ST3GAL5: variants seen among roughly 807,000 people sequenced by gnomAD.
ST3GAL5 encodes lactosylceramide alpha-2,3-sialyltransferase.
Under a neutral mutation model 46.1 loss-of-function variants are expected in ST3GAL5, and 25 were observed. The ratio of observed to expected loss-of-function variants is 0.54; its 90% CI spans 0.40 to 0.76. The LOEUF (loss-of-function observed/expected upper bound fraction) is 0.76, where lower values mean the gene tolerates loss of function less well. Among genes scored for constraint, ST3GAL5 ranks in the 30% least tolerant of loss-of-function variants. The probability of loss-of-function intolerance (pLI) is 0.00; values close to 1 mark genes in which losing one functional copy is unlikely to be tolerated. For missense variants in ST3GAL5, 431 were observed against 521.2 expected, an observed-to-expected ratio of 0.83 and a Z score of 1.69; for synonymous variants, 182 against 192.7, an observed-to-expected ratio of 0.94 and a Z score of 0.46.
intron 3 of ST3GAL5, chr2:85,851,630 T>TC: frequency 7.8e-7 from 1 of 1,289,268 alleles, no homozygotes; most frequent in Non-Finnish European, 1.0e-6. Context: ...GCTGCTCTCT[T>TC]CCCCCTCCAC....
chr2:85,881,238 C>T (rs527288558), intron 1 of ST3GAL5, among the ~76,000 whole-genome samples: 1 of 152,292 alleles, frequency 6.6e-6, no homozygotes, highest in Non-Finnish European at 1.5e-5. Flanking sequence ...TCCAATTAAA[C>T]CTCTTTCTTG....
intron 1 of ST3GAL5, chr2:85,868,055 C>T (rs1685471781): frequency 4.6e-6 from 1 of 216,884 alleles, no homozygotes; most frequent in South Asian, 7.8e-5. Context: ...AGAGAAGGGC[C>T]AAGCTGGGAA....
chr2:85,874,787 T>C (rs1258976540), intron 1 of ST3GAL5, among the ~76,000 whole-genome samples: 1 of 151,054 alleles, frequency 6.6e-6, no homozygotes, highest in African/African-American at 2.4e-5. Context: ...GAATGAATGA[T>C]CAGTGGCCTG....
chr2:85,878,544 T>A (rs1360008457), intron 1 of ST3GAL5, among the ~76,000 whole-genome samples: 1 of 115,804 alleles, frequency 8.6e-6, no homozygotes, highest in East Asian at 2.9e-4. Flanking sequence ...AATGGTCGCC[T>A]GACAGTATTG....
rs550842990 is a variant in ST3GAL5 at position 85,871,039 on chromosome 2, T to A, written c.83-7554A>T. Among the ~76,000 whole-genome samples the A allele has an allele frequency of 7.9e-3, 754 of 95,458 alleles. 6 individuals are homozygous for A. The highest frequency in any genetic ancestry group is 0.021 in the African/African-American group (689 of 32,506). 62.6% of individuals were successfully genotyped at this position (95,458 alleles called of 152,430 possible). ...ATATCCATCACCTCAACCATTTATC[T>A]TTTTTTTTTTTTTTTTGAGACAAGG... On this transcript the variant is annotated intron_variant, in intron 1 of 6. Transcript: ENST00000638572.
chr2:85,847,225 C>T (rs560043517), intron 4 of ST3GAL5, among the ~76,000 whole-genome samples: 1 of 152,208 alleles, frequency 6.6e-6, no homozygotes, highest in South Asian at 2.1e-4. Context: ...ACTCACTGGC[C>T]CCAAGCCCCT....
rs57619373 is a variant in ST3GAL5, at chr2:85,844,722, A to G, written c.850-168T>C. The G allele has an allele frequency of 1.7e-4, 147 of 862,900 alleles. No individual in the cohort carries two copies. In the African/African-American group the frequency reaches 2.2e-3, roughly 13 times the overall value. The allele number at this position is 862,900 out of a possible 1,614,324, so 53.5% of individuals were successfully genotyped here. ...AAAAGCTACGCAAATCCGGCACTCC[A>G]ACTCAAAAAAGTAACTCTGAAATAG... On this transcript the variant is annotated intron_variant, in intron 5 of 6. Coordinates refer to ENST00000638572, the MANE Select transcript of ST3GAL5 (RefSeq NM_003896.4).
chr2:85,858,074 C>T (rs537591025), intron 3 of ST3GAL5: 1 of 152,202 alleles, frequency 6.6e-6, no homozygotes, highest in African/African-American at 2.4e-5. Context: ...GAGGTTCAGT[C>T]TGAAAGTCAC....
chr2:85,870,276 A>T (rs948357542), intron 1 of ST3GAL5: 4 of 468,400 alleles, frequency 8.5e-6, no homozygotes, highest in Non-Finnish European at 1.8e-5. Context: ...GGGAAGAGGC[A>T]TATAAAGGGC....
chr2:85,840,240 G>A lies in ST3GAL5; in HGVS notation c.1161C>T (p.Thr387=). ...TGGTTTCCGTTGTCACATTATGCATGGTCTGAAAGTTCATAGCAGCCATGC... is the reference window on the plus strand; with the variant it reads ...TGGTTTCCGTTGTCACATTATGCATAGTCTGAAAGTTCATAGCAGCCATGC... The part of the protein sequence containing the change: ...SQCMAAMNFQ[T]MHNVTTETKF... Residue 387 remains threonine (T), a synonymous_variant, in exon 7 of 7, where the codon ACC becomes ACT. Coordinates refer to ENST00000638572, the MANE Select transcript of ST3GAL5 (RefSeq NM_003896.4). 1 of 1,614,130 alleles carries A rather than the reference G, an allele frequency of 6.2e-7. No individual in the cohort carries two copies. The highest frequency in any genetic ancestry group is 8.5e-7 in the Non-Finnish European group (1 of 1,180,034).
intron 1 of ST3GAL5, among the ~76,000 whole-genome samples, chr2:85,878,392 A>G (rs1159105445): frequency 6.6e-6 from 1 of 152,230 alleles, no homozygotes; most frequent in African/African-American, 2.4e-5. Context: ...GGGTCATGCT[A>G]TCTACACCAG....
chr2:85,863,475 A>C lies in ST3GAL5; in HGVS notation c.93T>G (p.Ser31Arg). The change falls in exon 2 of 7, where the codon AGT becomes AGG. Residue 31 changes from serine (S) to arginine (R), a missense_variant. Coordinates refer to ENST00000638572, the MANE Select transcript of ST3GAL5 (RefSeq NM_003896.4). ...TTCTCAGTTTCACATAGGTGTACTCACTTGGCATTGCTGTGAAGAGAGGCG... is the reference window on the plus strand; with the variant it reads ...TTCTCAGTTTCACATAGGTGTACTCCCTTGGCATTGCTGTGAAGAGAGGCG... Reference protein sequence around the residue: ...AAAPAGRAMPSEYTYVKLRSD... With the variant: ...AAAPAGRAMPREYTYVKLRSD... 6.2e-7 allele frequency: 1 copy of C among 1,614,218 alleles called. No homozygotes were observed. Among genetic ancestry groups the C allele is most frequent in the Non-Finnish European group, 8.5e-7 (1 of 1,180,044 alleles).
chr2:85,861,385 C>A, intron 2 of ST3GAL5, 93 bp from the exon 3 acceptor site: 2 of 826,266 alleles, frequency 2.4e-6, no homozygotes, highest in South Asian at 1.4e-5. Flanking sequence ...ATGAGTCTGC[C>A]TGCTATGCAG....
intron 1 of ST3GAL5, among the ~76,000 whole-genome samples, chr2:85,872,402 G>A (rs1396095605): frequency 6.6e-6 from 1 of 152,118 alleles, no homozygotes; most frequent in Admixed American, 6.5e-5. Flanking sequence ...GGCCAACATG[G>A]TGAAACCCCA....
In ST3GAL5 at chr2:85,838,407, G is replaced by T. The variant is rs1176247469; in HGVS notation, c.*1737C>A. 1 of 152,182 alleles carries T rather than the reference G, an allele frequency of 6.6e-6. No individual in the cohort carries two copies. The highest frequency in any genetic ancestry group is 1.5e-5 in the Non-Finnish European group (1 of 68,032). The allele number at this position is 152,182 out of a possible 1,614,324, so 9.4% of individuals were successfully genotyped here. ...TAACCCCCTGAGGGATGTAGGGGTG[G>T]AGCTGTGTGGTGTAAGCCCAGCACC... is the stretch of plus-strand genomic sequence containing the variant. On this transcript the variant is annotated 3_prime_UTR_variant, in exon 7 of 7. Coordinates refer to ENST00000638572, the MANE Select transcript of ST3GAL5 (RefSeq NM_003896.4).
Position 85,840,942 on chromosome 2 carries a change from CAAAAAAA to C in ST3GAL5, c.1009-557_1009-551del, listed in dbSNP as rs1272089535. Among the ~76,000 whole-genome samples the C allele has an allele frequency of 2.1e-4, 5 of 24,186 alleles. No homozygotes were observed. In the East Asian group the frequency reaches 8.9e-3, roughly 43 times the overall value. The allele number at this position is 24,186 out of a possible 152,430, so 15.9% of individuals were successfully genotyped here. A position where few individuals can be genotyped will look rare whatever the true frequency, so the allele number is the denominator to read the frequency against. ...CTGGCGACAGAGCAAGACTCTGTCT[CAAAAAAA>C]AAAAAAAAAAAAAAAAAGGCATTCC... On this transcript the variant is annotated intron_variant, in intron 6 of 6. Transcript: ENST00000638572.
chr2:85,876,539 G>A (rs545106071), intron 1 of ST3GAL5, among the ~76,000 whole-genome samples: 2 of 143,074 alleles, frequency 1.4e-5, no homozygotes, highest in East Asian at 2.2e-4. Context: ...TCTCGGCGCC[G>A]CAACCTCCGC....
chr2:85,882,699 G>A (rs1687295628), intron 1 of ST3GAL5, among the ~76,000 whole-genome samples: 8 of 151,996 alleles, frequency 5.3e-5, no homozygotes, highest in Admixed American at 5.2e-4. Flanking sequence ...CGGATGTGGT[G>A]GCACACACCT....
At chr2:85,847,497 G>C (rs371395582) in intron 4 of ST3GAL5, 1 of 1,050,752 alleles carries the variant, frequency 9.5e-7, no homozygotes, top group Non-Finnish European at 1.2e-6. Context: ...GGCAGGGACT[G>C]TGAAGAGCTT....
Sources: allele counts gnomAD v4.1 joint callset (sites outside exome capture counted in the v4.1 genomes callset), GRCh38; gene constraint gnomAD v4.1.1; transcripts MANE v1.5; gene names NCBI Gene and HGNC (gene_info 2026-07-23, HGNC 2026-07-21).